The following PTPRM variants were observed in gnomAD, a reference collection of about 807,000 sequenced individuals.
PTPRM encodes protein tyrosine phosphatase receptor type M.
In PTPRM, 47 loss-of-function variants were observed where a neutral mutation model predicts 186.7. The observed-to-expected ratio is 0.25, with a 90% CI of 0.20 to 0.32. PTPRM has a LOEUF of 0.32. Ranked by LOEUF, PTPRM falls within the 10% of genes least tolerant of loss-of-function variation. The pLI is 1.00. For missense variants in PTPRM, 1,494 were observed against 1,865.0 expected (o/e 0.80, Z 3.66); for synonymous variants, 668 against 674.9 (o/e 0.99, Z 0.16).
intron 14 of PTPRM, among the ~76,000 whole-genome samples, chr18:8,231,922 A>G (rs955209718): frequency 6.6e-6 from 1 of 152,134 alleles, no homozygotes; most frequent in African/African-American, 2.4e-5. Flanking sequence ...TTGCCACATC[A>G]TTATCACCAA....
At chr18:7,830,652 C>T (rs552794088) in intron 2 of PTPRM, among the ~76,000 whole-genome samples, 2 of 152,098 alleles carry the variant, frequency 1.3e-5, no homozygotes, top group South Asian at 4.1e-4. Context: ...GTCATAGTTG[C>T]TAGGAGGAGA....
intron 14 of PTPRM, among the ~76,000 whole-genome samples, chr18:8,158,287 G>A (rs2093162803): frequency 6.6e-6 from 1 of 152,206 alleles, no homozygotes; most frequent in African/African-American, 2.4e-5. Flanking sequence ...TCAAGATGGA[G>A]TGTGTTGACA....
intron 7 of PTPRM, among the ~76,000 whole-genome samples, chr18:7,962,653 C>T (rs376592744): frequency 6.6e-6 from 1 of 152,172 alleles, no homozygotes; most frequent in African/African-American, 2.4e-5. Flanking sequence ...CAAACTGCAC[C>T]ATGCCTGCAT....
At position 8,317,380 on chromosome 18, in the gene PTPRM, C is replaced by G. The variant is rs544595206; in HGVS notation, c.2920-1798C>G. ...TTAGGGAGGAAATGAGGAGTTCAGT[C>G]TTAGGTGTGTGAAGCTTTAAATATA... is the stretch of plus-strand genomic sequence containing the variant. On this transcript the variant is annotated intron_variant, in intron 21 of 32. Transcript: ENST00000580170. Among the ~76,000 whole-genome samples the G allele has an allele frequency of 2.4e-4, 37 of 152,076 alleles. 1 individual carries two copies. In the South Asian group the frequency reaches 7.7e-3, roughly 32 times the overall value.
At chr18:8,333,863 C>T (rs1277906338) in intron 22 of PTPRM, among the ~76,000 whole-genome samples, 2 of 152,206 alleles carry the variant, frequency 1.3e-5, no homozygotes, top group African/African-American at 4.8e-5. Flanking sequence ...CCACCCACCA[C>T]ACACTCCCTC....
intron 7 of PTPRM, among the ~76,000 whole-genome samples, chr18:7,956,735 C>T (rs1599717108): frequency 6.6e-6 from 1 of 152,204 alleles, no homozygotes; most frequent in South Asian, 2.1e-4. Context: ...CTTCTTTAAA[C>T]CTCGTCATCT....
intron 7 of PTPRM, among the ~76,000 whole-genome samples, chr18:8,015,881 T>G (rs1258448842): frequency 6.6e-6 from 1 of 152,206 alleles, no homozygotes; most frequent in African/African-American, 2.4e-5. Flanking sequence ...TTTATCTGAA[T>G]TAATCTTGGA....
intron 23 of PTPRM, among the ~76,000 whole-genome samples, chr18:8,357,368 T>C (rs1302849885): frequency 6.6e-6 from 1 of 152,228 alleles, no homozygotes; most frequent in African/African-American, 2.4e-5. Context: ...TACAGTAAAC[T>C]AAGATTTTTG....
At chr18:8,110,927 T>C (rs1036215997) in intron 11 of PTPRM, among the ~76,000 whole-genome samples, 2 of 152,168 alleles carry the variant, frequency 1.3e-5, no homozygotes, top group Non-Finnish European at 2.9e-5. Context: ...AAGTGAAAAT[T>C]CCCTTCAGGC....
At chr18:8,119,891 C>T (rs1222095297) in intron 13 of PTPRM, among the ~76,000 whole-genome samples, 2 of 152,028 alleles carry the variant, frequency 1.3e-5, no homozygotes, top group Admixed American at 6.5e-5. Context: ...CAATTTTATA[C>T]TTTGAAGACA....
In PTPRM at chr18:7,756,931, C is replaced by T. The variant is rs1255843889; in HGVS notation, c.74-17218C>T. On this transcript the variant is annotated intron_variant, in intron 1 of 32. Coordinates refer to ENST00000580170, the MANE Select transcript of PTPRM (RefSeq NM_001105244.2). ...AGTCTCCTTCCTGCCCAGTGTGGAC[C>T]CCAGCTTGGCCTGTGCTGCTCCCAT... 2.0e-5 allele frequency among the ~76,000 whole-genome samples: 3 copies of T among 152,154 alleles called. No individual in the cohort carries two copies. The East Asian group carries it at 5.8e-4, about 29-fold the overall frequency.
chr18:7,717,330 T>G (rs1051815622), intron 1 of PTPRM, among the ~76,000 whole-genome samples: 1 of 152,124 alleles, frequency 6.6e-6, no homozygotes, highest in Non-Finnish European at 1.5e-5. Flanking sequence ...GCAGCTTGAC[T>G]TCAGAGGGAC....
At chr18:7,650,257 G>T (rs983650112) in intron 1 of PTPRM, among the ~76,000 whole-genome samples, 7 of 152,120 alleles carry the variant, frequency 4.6e-5, no homozygotes, top group East Asian at 1.9e-4. Flanking sequence ...AGGGCCAACT[G>T]CATTCTTGGG....
chr18:8,340,957 T>G (rs1386235497), intron 22 of PTPRM, among the ~76,000 whole-genome samples: 2 of 152,168 alleles, frequency 1.3e-5, no homozygotes, highest in African/African-American at 4.8e-5. Flanking sequence ...GAAGCTAGGA[T>G]TGTACTGTGG....
At position 7,785,110 on chromosome 18, in the gene PTPRM, C is replaced by T. The variant is rs1199007678; in HGVS notation, c.196+10839C>T. Among the ~76,000 whole-genome samples the T allele has an allele frequency of 7.2e-5, 11 of 152,074 alleles. 1 individual carries two copies. Among genetic ancestry groups the T allele is most frequent in the Non-Finnish European group, 1.5e-5 (1 of 68,022 alleles). On this transcript the variant is annotated intron_variant, in intron 2 of 32. Transcript: ENST00000580170. ...GGGAAACTGCATGTAGTTCTAGGGA[C>T]TGCCAAGTACATGGAATGGGAAGAG... is the stretch of plus-strand genomic sequence containing the variant.
At chr18:7,829,925 A>AT (rs1457350894) in intron 2 of PTPRM, among the ~76,000 whole-genome samples, 1 of 151,256 alleles carries the variant, frequency 6.6e-6, no homozygotes, top group East Asian at 1.9e-4. Context: ...GATTATCCTC[A>AT]TTTTTTTAAT....
chr18:7,947,270 C>G (rs2052600358), intron 5 of PTPRM, among the ~76,000 whole-genome samples: 1 of 152,134 alleles, frequency 6.6e-6, no homozygotes, highest in Non-Finnish European at 1.5e-5. Flanking sequence ...GTTCTCCCAG[C>G]AGCCCTGACA....
intron 31 of PTPRM, among the ~76,000 whole-genome samples, chr18:8,389,628 A>G (rs544916554): frequency 6.6e-6 from 1 of 152,306 alleles, no homozygotes; most frequent in African/African-American, 2.4e-5. Context: ...CTCTCTTAGC[A>G]TCAAGGTGGG....
In PTPRM at chr18:8,379,192, T is replaced by G; in HGVS notation, c.3638T>G (p.Leu1213Arg). ...ACGCTAAACATGGTGACACCAACGC[T>G]GCGAGTAGAGGACTGCAGCATCGCA... ...FRTLNMVTPT[L>R]RVEDCSIALL... is the part of the protein sequence containing the mutation. Residue 1213 changes from leucine (L) to arginine (R), a missense_variant, in exon 28 of 33, where the codon CTG becomes CGG. Physicochemically the swap from Leu to Arg is moderately radical, Grantham distance 102. Coordinates refer to ENST00000580170, the MANE Select transcript of PTPRM (RefSeq NM_001105244.2). The G allele has an allele frequency of 6.2e-7, 1 of 1,610,756 alleles. No individual in the cohort carries two copies. The highest frequency in any genetic ancestry group is 1.1e-5 in the South Asian group (1 of 90,610).
Sources: allele counts gnomAD v4.1 joint callset (sites outside exome capture counted in the v4.1 genomes callset), GRCh38; gene constraint gnomAD v4.1.1; transcripts MANE v1.5; gene names NCBI Gene and HGNC (gene_info 2026-07-23, HGNC 2026-07-21).